The following UVRAG variants were observed in gnomAD, a reference collection of about 807,000 sequenced individuals.
UVRAG encodes the protein UV radiation resistance associated, also known as UV radiation resistance-associated gene protein.
In UVRAG, 19 loss-of-function variants were observed where a neutral mutation model predicts 78.0. That is an observed-to-expected ratio of 0.24 (90% confidence interval 0.17 to 0.36). The LOEUF is 0.36. Ranked by LOEUF, UVRAG falls within the 10% of genes least tolerant of loss-of-function variation. The pLI is 1.00. For missense variants in UVRAG, 740 were observed against 853.8 expected (o/e 0.87, Z 1.66); for synonymous variants, 323 against 324.6 (o/e 1.00, Z 0.05).
intron 6 of UVRAG, among the ~76,000 whole-genome samples, chr11:75,940,372 T>G (rs971301812): frequency 6.6e-6 from 1 of 152,238 alleles, no homozygotes; most frequent in African/African-American, 2.4e-5. Context: ...TTTCTAGTTA[T>G]TTCTAAAACT....
At chr11:76,010,815 AG>A (rs1950036651) in intron 11 of UVRAG, among the ~76,000 whole-genome samples, 1 of 152,190 alleles carries the variant, frequency 6.6e-6, no homozygotes, top group Admixed American at 6.5e-5. Flanking sequence ...ATAGTGAGCG[AG>A]GGAAGAGCTA....
chr11:75,865,512 T>C (rs1260169991), intron 3 of UVRAG, among the ~76,000 whole-genome samples: 1 of 152,200 alleles, frequency 6.6e-6, no homozygotes, highest in African/African-American at 2.4e-5. Flanking sequence ...TCAGTCCTAC[T>C]GCAGAACTGA....
At chr11:75,861,665 A>T (rs1946424814) in intron 2 of UVRAG, 81 bp from the exon 3 acceptor site, 10 of 996,666 alleles carry the variant, frequency 1.0e-5, no homozygotes, top group South Asian at 1.5e-5. Context: ...AACATATGTT[A>T]AAAAAATTAG....
intron 13 of UVRAG, among the ~76,000 whole-genome samples, chr11:76,080,026 A>T (rs1177265973): frequency 6.6e-6 from 1 of 152,206 alleles, no homozygotes; most frequent in East Asian, 1.9e-4. Context: ...CCCATGGCAG[A>T]TGTGAGATGG....
chr11:76,104,465 A>C (rs1328949104), intron 13 of UVRAG, among the ~76,000 whole-genome samples: 1 of 152,196 alleles, frequency 6.6e-6, no homozygotes, highest in Non-Finnish European at 1.5e-5. Context: ...TAATGAAATA[A>C]TATAACATAA....
At chr11:76,024,972 GATTATCT>G (rs1426271198) in intron 12 of UVRAG, among the ~76,000 whole-genome samples, 3 of 152,112 alleles carry the variant, frequency 2.0e-5, no homozygotes, top group Non-Finnish European at 4.4e-5. Flanking sequence ...TCCCCTCTCT[GATTATCT>G]ATCTCATCTG....
chr11:75,822,902 T>TC (rs763876066), intron 1 of UVRAG, among the ~76,000 whole-genome samples: 15 of 151,914 alleles, frequency 9.9e-5, no homozygotes, highest in Non-Finnish European at 2.1e-4. Context: ...TCAGCCCCTC[T>TC]CCCCTTCCTG....
rs1283071787 is a variant in UVRAG, at chr11:76,141,188, C to T, written c.1875C>T (p.Leu625=). 6.2e-7 allele frequency: 1 copy of T among 1,614,170 alleles called. No individual in the cohort carries two copies. The highest frequency in any genetic ancestry group is 8.5e-7 in the Non-Finnish European group (1 of 1,180,042). Residue 625 remains leucine, a synonymous_variant, in exon 15 of 15, where the codon CTC becomes CTT. Transcript: ENST00000356136. ...GEFHPVSEAE[L]CCTVEQAEEI... is the part of the protein sequence containing the mutation. Reference sequence around the variant, plus strand: ...TCCACCCAGTCTCAGAAGCTGAGCTCTGCTGTACTGTGGAGCAAGCAGAAG... The same window carrying T: ...TCCACCCAGTCTCAGAAGCTGAGCTTTGCTGTACTGTGGAGCAAGCAGAAG...
At chr11:75,827,386 G>A (rs1311338070) in intron 1 of UVRAG, among the ~76,000 whole-genome samples, 1 of 152,124 alleles carries the variant, frequency 6.6e-6, no homozygotes, top group African/African-American at 2.4e-5. Flanking sequence ...GAGGCAGGTG[G>A]ATCACCTGAG....
chr11:76,098,357 G>A (rs960715801), intron 13 of UVRAG, among the ~76,000 whole-genome samples: 7 of 152,100 alleles, frequency 4.6e-5, no homozygotes, highest in Non-Finnish European at 7.4e-5. Context: ...CTGTCAAGCA[G>A]GTGTTGTTAT....
At chr11:76,110,228 A>ATATATATATATATATATATATG (rs1170175017) in intron 13 of UVRAG, among the ~76,000 whole-genome samples, 3 of 150,032 alleles carry the variant, frequency 2.0e-5, no homozygotes, top group African/African-American at 7.4e-5. Flanking sequence ...ATATATATAT[A>ATATATATATATATATATATATG]TATGTATTAG....
chr11:75,981,299 A>G (rs1328653930), intron 7 of UVRAG, among the ~76,000 whole-genome samples: 2 of 151,840 alleles, frequency 1.3e-5, no homozygotes, highest in African/African-American at 4.8e-5. Flanking sequence ...TTTAGTAGAG[A>G]TGGGGTTTCA....
chr11:75,899,279 T>C (rs1947430065), intron 5 of UVRAG, among the ~76,000 whole-genome samples: 1 of 152,296 alleles, frequency 6.6e-6, no homozygotes, highest in African/African-American at 2.4e-5. Context: ...ACTAACAGTA[T>C]TATACTAGGT....
chr11:75,997,060 GAAAT>G (rs1047231265), intron 8 of UVRAG, among the ~76,000 whole-genome samples: 4 of 152,148 alleles, frequency 2.6e-5, no homozygotes, highest in Non-Finnish European at 5.9e-5. Context: ...ATATCATAAT[GAAAT>G]AAAGTCAGTT....
At chr11:76,089,268 G>A (rs1216497191) in intron 13 of UVRAG, among the ~76,000 whole-genome samples, 1 of 152,132 alleles carries the variant, frequency 6.6e-6, no homozygotes, top group Middle Eastern at 3.2e-3. Flanking sequence ...TATGCCTGTG[G>A]TAATAAGTTG....
At chr11:75,974,528 G>A (rs562601320) in intron 7 of UVRAG, among the ~76,000 whole-genome samples, 7 of 151,174 alleles carry the variant, frequency 4.6e-5, no homozygotes, top group East Asian at 1.9e-4. Flanking sequence ...CACCGCGCCC[G>A]GCTAATTTTT....
At chr11:75,909,661 A>G (rs940781683) in intron 5 of UVRAG, among the ~76,000 whole-genome samples, 3 of 152,228 alleles carry the variant, frequency 2.0e-5, no homozygotes, top group Non-Finnish European at 4.4e-5. Flanking sequence ...CCATCAAGAT[A>G]GATTTATAAA....
At chr11:76,001,197 T>C (rs1405295431) in intron 8 of UVRAG, among the ~76,000 whole-genome samples, 1 of 152,034 alleles carries the variant, frequency 6.6e-6, no homozygotes, top group Non-Finnish European at 1.5e-5. Flanking sequence ...GTCTGGAAAA[T>C]TCCAAATATT....
intron 2 of UVRAG, among the ~76,000 whole-genome samples, chr11:75,860,371 A>C (rs1268367208): frequency 6.6e-6 from 1 of 152,268 alleles, no homozygotes; most frequent in Non-Finnish European, 1.5e-5. Context: ...TTCTCAAAAG[A>C]AAAAGGGATT....
Sources: gnomAD v4.1 joint callset for allele counts (sites outside exome capture counted in the v4.1 genomes callset) on GRCh38, gnomAD v4.1.1 for gene constraint, MANE v1.5 for transcripts, NCBI Gene and HGNC (gene_info 2026-07-23, HGNC 2026-07-21) for gene names.